Variants in PSMA4 observed in about 807,000 individuals in gnomAD.
PSMA4 encodes the protein proteasome 20S subunit alpha 4.
Under a neutral mutation model 37.2 loss-of-function variants are expected in PSMA4, and 8 were observed. That is an observed-to-expected ratio of 0.22 (90% CI 0.13 to 0.39). The LOEUF is 0.39. Among genes scored for constraint, PSMA4 ranks in the 10% least tolerant of loss-of-function variants. The probability of loss-of-function intolerance (pLI) is 1.00; values close to 1 mark genes in which losing one functional copy is unlikely to be tolerated. For missense variants in PSMA4, 169 were observed against 305.1 expected, an observed-to-expected ratio of 0.55 and a Z score of 3.32; for synonymous variants, 93 against 98.8, an observed-to-expected ratio of 0.94 and a Z score of 0.35.
At position 78,542,160 on chromosome 15, in the gene PSMA4, G is replaced by C; in HGVS notation, c.4-17G>C. ...CTTTCAGTGGGTAGGAATCACTCATGTGTTTTTCCTTTGCAGTCTCGAAGA... is the reference window on the plus strand; with the variant it reads ...CTTTCAGTGGGTAGGAATCACTCATCTGTTTTTCCTTTGCAGTCTCGAAGA... On this transcript the variant is annotated splice_polypyrimidine_tract_variant and intron_variant, in intron 2 of 8. Coordinates refer to ENST00000044462, the MANE Select transcript of PSMA4 (RefSeq NM_002789.6). 4 of 1,611,362 alleles carry C rather than the reference G, an allele frequency of 2.5e-6. No individual in the cohort carries two copies. The highest frequency in any genetic ancestry group is 2.5e-6 in the Non-Finnish European group (3 of 1,178,242).
intron 4 of PSMA4, 84 bp downstream of exon 4, chr15:78,542,729 C>A (rs73463050): frequency 4.7e-6 from 6 of 1,284,782 alleles, no homozygotes; most frequent in Non-Finnish European, 6.4e-6. Flanking sequence ...AGGGCTCTTC[C>A]GTGCGATGTG....
intron 8 of PSMA4, among the ~76,000 whole-genome samples, chr15:78,546,912 C>T (rs972578448): frequency 6.6e-6 from 1 of 151,960 alleles, no homozygotes; most frequent in Non-Finnish European, 1.5e-5. Flanking sequence ...ACTACAGGCT[C>T]GCGCCACCAT....
At chr15:78,545,475 A>C (rs560277715) in intron 6 of PSMA4, among the ~76,000 whole-genome samples, 159 bp from the exon 7 acceptor site, 25 of 152,352 alleles carry the variant, frequency 1.6e-4, no homozygotes, top group African/African-American at 6.0e-4. Context: ...ACAAAAGTCG[A>C]ATTTGTAATG....
Position 78,551,568 on chromosome 15 carries a change from A to G in PSMA4, c.*2624A>G, listed in dbSNP as rs887270967. ...TACATACCCTGTTGAGTTTTTCTCC[A>G]TAGCACTCATCACCAGCTGGCATAT... On this transcript the variant is annotated 3_prime_UTR_variant, in exon 9 of 9. Coordinates refer to ENST00000044462, the MANE Select transcript of PSMA4 (RefSeq NM_002789.6). 2.0e-5 allele frequency: 3 copies of G among 151,966 alleles called. No homozygotes were observed. The highest frequency in any genetic ancestry group is 4.8e-5 in the African/African-American group (2 of 41,328). 9.4% of individuals were successfully genotyped at this position (151,966 alleles called of 1,614,324 possible). A position where few individuals can be genotyped will look rare whatever the true frequency, so the allele number is the denominator to read the frequency against.
chr15:78,541,788 C>A, intron 1 of PSMA4, 117 bp from the exon 2 acceptor site: 1 of 851,830 alleles, frequency 1.2e-6, no homozygotes, highest in Non-Finnish European at 1.9e-6. Flanking sequence ...CAGCATCTAG[C>A]ATAATGCCTG....
intron 8 of PSMA4, among the ~76,000 whole-genome samples, chr15:78,547,828 C>G (rs866021899): frequency 1.3e-4 from 19 of 150,928 alleles, no homozygotes; most frequent in Non-Finnish European, 2.2e-4. Context: ...CAGAGAGAGA[C>G]TCTGTCTCAA....
chr15:78,544,307 G>A (rs2052510681), intron 5 of PSMA4, 40 bp downstream of exon 5: 3 of 1,414,878 alleles, frequency 2.1e-6, no homozygotes, highest in Non-Finnish European at 2.9e-6. Flanking sequence ...ACAGAAATTA[G>A]TTTTGATGTT....
chr15:78,544,503 G>A, intron 5 of PSMA4: 1 of 467,140 alleles, frequency 2.1e-6, no homozygotes, highest in East Asian at 4.0e-5. Context: ...GTTTCACTGT[G>A]TTAGCCAGGA....
At chr15:78,547,980 A>G (rs768304640) in intron 8 of PSMA4, among the ~76,000 whole-genome samples, 1 of 152,104 alleles carries the variant, frequency 6.6e-6, no homozygotes. Context: ...TGTAATCCCC[A>G]GCACTTTGGG....
At chr15:78,548,084 T>G (rs956726782) in intron 8 of PSMA4, among the ~76,000 whole-genome samples, 2 of 151,756 alleles carry the variant, frequency 1.3e-5, no homozygotes, top group Non-Finnish European at 2.9e-5. Context: ...TACAAAAAAT[T>G]AGCCGGGCGT....
intron 4 of PSMA4, 100 bp from the exon 5 acceptor site, chr15:78,544,090 A>G: frequency 4.9e-6 from 4 of 823,284 alleles, no homozygotes; most frequent in Admixed American, 2.6e-5. Flanking sequence ...TGAAGCAAAC[A>G]TAGTGAATTT....
At chr15:78,542,285 A>G in intron 3 of PSMA4, 66 bp downstream of exon 3, 2 of 1,521,510 alleles carry the variant, frequency 1.3e-6, no homozygotes, top group Non-Finnish European at 1.8e-6. Context: ...TTAGAAAAAA[A>G]AATTACAAAC....
chr15:78,546,463 A>T, intron 7 of PSMA4, 112 bp from the exon 8 acceptor site: 1 of 987,120 alleles, frequency 1.0e-6, no homozygotes, highest in Non-Finnish European at 1.4e-6. Context: ...AAAAAAAAAA[A>T]ATTGTTTATA....
intron 6 of PSMA4, among the ~76,000 whole-genome samples, chr15:78,545,167 C>A (rs2052530057): frequency 6.6e-6 from 1 of 152,140 alleles, no homozygotes; most frequent in Admixed American, 6.5e-5. Flanking sequence ...ATGGCACATT[C>A]ATCATCTCAA....
chr15:78,547,337 GAT>G (rs2052571305), intron 8 of PSMA4, among the ~76,000 whole-genome samples: 1 of 152,114 alleles, frequency 6.6e-6, no homozygotes, highest in African/African-American at 2.4e-5. Flanking sequence ...TCTCATCAAT[GAT>G]ATCTTTGCTT....
Position 78,549,094 on chromosome 15 carries a change from AT to A in PSMA4, c.*152del. 1 of 1,173,260 alleles carries A rather than the reference AT, an allele frequency of 8.5e-7. No individual in the cohort carries two copies. Among genetic ancestry groups the A allele is most frequent in the Non-Finnish European group, 1.1e-6 (1 of 905,774 alleles). 72.7% of individuals were successfully genotyped at this position (1,173,260 alleles called of 1,614,324 possible). On this transcript the variant is annotated 3_prime_UTR_variant, in exon 9 of 9. Transcript: ENST00000044462. ...ATTGGGTCCTTGTCATTTCTGTCCA[AT>A]TGAATACTTTATTGTAACGATGATG...
chr15:78,548,534 T>C (rs548171993), intron 8 of PSMA4, among the ~76,000 whole-genome samples: 29 of 152,336 alleles, frequency 1.9e-4, no homozygotes, highest in African/African-American at 5.8e-4. Context: ...TAGCAATTGG[T>C]TGATTATACT....
intron 2 of PSMA4, 112 bp downstream of exon 2, chr15:78,542,042 C>A: frequency 6.8e-7 from 1 of 1,466,530 alleles, no homozygotes; most frequent in East Asian, 2.3e-5. Flanking sequence ...TGAGAAGGTG[C>A]CTTTTTTCTT....
chr15:78,544,055 T>A (rs1444606478), intron 4 of PSMA4, 135 bp from the exon 5 acceptor site: 1 of 608,848 alleles, frequency 1.6e-6, no homozygotes, highest in South Asian at 2.3e-5. Flanking sequence ...AACTTGTAGG[T>A]TTTTTCTGAA....
Sources: gnomAD v4.1 joint callset for allele counts (sites outside exome capture counted in the v4.1 genomes callset) on GRCh38, gnomAD v4.1.1 for gene constraint, MANE v1.5 for transcripts, NCBI Gene and HGNC (gene_info 2026-07-23, HGNC 2026-07-21) for gene names.